The following POLQ variants were observed in gnomAD, a reference collection of about 807,000 sequenced individuals.
POLQ encodes the protein epididymis secretory sperm binding protein.
POLQ carries 233 observed loss-of-function variants against 259.2 expected under a neutral mutation model. The observed-to-expected ratio is 0.90, with a 90% CI of 0.81 to 1.00. The LOEUF is 1.00. Ranked by LOEUF, POLQ falls within the 50% of genes least tolerant of loss-of-function variation. The pLI is 0.00. For synonymous variants in POLQ, 1,025 were observed against 1,048.8 expected (o/e 0.98, Z 0.44); for missense variants, 2,871 against 3,051.6 (o/e 0.94, Z 1.39).
At chr3:121,492,779 GCA>G (rs1202178541) in intron 15 of POLQ, among the ~76,000 whole-genome samples, 2 of 149,338 alleles carry the variant, frequency 1.3e-5, no homozygotes, top group Non-Finnish European at 3.0e-5. Flanking sequence ...GGGACTATAG[GCA>G]CATGCCACCA....
rs1280514407 is a variant in POLQ, at chr3:121,473,756, TCTCA to T, written c.6406-273_6406-270del. 2.4e-5 allele frequency among the ~76,000 whole-genome samples: 3 copies of T among 124,580 alleles called. No individual in the cohort carries two copies. The East Asian group carries it at 9.1e-4, about 38-fold the overall frequency. 81.7% of individuals were successfully genotyped at this position (124,580 alleles called of 152,430 possible). On this transcript the variant is annotated intron_variant, in intron 20 of 29. Transcript: ENST00000264233. ...TTTTTTTTTTTTTTTTGAGACAGGA[TCTCA>T]CTGTCACCCAGGCCAGAGTGTAGTG...
At chr3:121,459,232 T>C (rs899256128) in intron 25 of POLQ, among the ~76,000 whole-genome samples, 2 of 152,152 alleles carry the variant, frequency 1.3e-5, no homozygotes, top group Non-Finnish European at 2.9e-5. Context: ...GTACTAACTA[T>C]AATCTACAGG....
chr3:121,501,003 A>AC (rs199771980), intron 12 of POLQ, among the ~76,000 whole-genome samples: 2,198 of 152,230 alleles, frequency 0.014, 55 homozygotes, highest in African/African-American at 0.05. Flanking sequence ...TGGCTCTGTC[A>AC]CCCTGGCTGG....
At chr3:121,448,719 T>C (rs2047649656) in intron 26 of POLQ, among the ~76,000 whole-genome samples, 1 of 152,204 alleles carries the variant, frequency 6.6e-6, no homozygotes, top group African/African-American at 2.4e-5. Context: ...AGGGACAGGG[T>C]TGATTTAAAA....
In POLQ at chr3:121,449,275, T is replaced by A. The variant is rs3218627; in HGVS notation, c.7264+40A>T. 4.2e-3 allele frequency: 4,309 copies of A among 1,017,256 alleles called. 19 individuals carry two copies. The highest frequency in any genetic ancestry group is 8.2e-3 in the Admixed American group (425 of 51,790). 63.0% of individuals were successfully genotyped at this position (1,017,256 alleles called of 1,614,324 possible). ...ACAAATTTTTAAAAATATAATATGG[T>A]AAGATGGTTGAAAAGAATACTATCT... On this transcript the variant is annotated intron_variant, in intron 26 of 29. Transcript: ENST00000264233.
In POLQ at chr3:121,472,145, T is replaced by C; in HGVS notation, c.6563A>G (p.Lys2188Arg). The C allele has an allele frequency of 6.7e-7, 1 of 1,488,242 alleles. No homozygotes were observed. Among genetic ancestry groups the C allele is most frequent in the Non-Finnish European group, 9.1e-7 (1 of 1,095,856 alleles). 92.2% of individuals were successfully genotyped at this position (1,488,242 alleles called of 1,614,324 possible). ...STSKDVLNKL[K>R]ALHPLPGLIL... ...CAAGCCTGGTAAAGGATGTAATGCC[T>C]TTAATTTATTTAAAACGTCCTGCCA... The change falls in exon 22 of 30, where the codon AAG (lysine) becomes AGG (arginine). Residue 2188 changes from lysine to arginine, a missense_variant. This residue lies in a region of POLQ where 2,080 missense variants were observed against 2,126.0 expected (regional missense o/e 0.98). Coordinates refer to ENST00000264233, the MANE Select transcript of POLQ (RefSeq NM_199420.4).
In POLQ at chr3:121,493,629, T is replaced by C; in HGVS notation, c.2371A>G (p.Arg791Gly). ...FQKRLTFGIQ[R>G]ELCDLVRVSL... ...ACCCGAACCAGGTCACACAGCTCCC[T>C]CTGGATGCCAAACGTAAGACGCTTC... is the stretch of plus-strand genomic sequence containing the variant. The change falls in exon 15 of 30, where the codon AGG becomes GGG. Residue 791 changes from arginine to glycine, a missense_variant. By Grantham distance (125) the Arg-to-Gly change is moderately radical. Around this residue, in one of 3 missense-constraint regions of POLQ, gnomAD observed 2,080 missense variants for 2,126.0 expected, o/e 0.98. Transcript: ENST00000264233. The C allele has an allele frequency of 6.2e-7, 1 of 1,614,080 alleles. No homozygotes were observed. Among genetic ancestry groups the C allele is most frequent in the Non-Finnish European group, 8.5e-7 (1 of 1,179,986 alleles).
intron 26 of POLQ, among the ~76,000 whole-genome samples, chr3:121,448,776 C>T (rs1273288127): frequency 6.6e-6 from 1 of 152,092 alleles, no homozygotes; most frequent in African/African-American, 2.4e-5. Context: ...GGTTCTATAT[C>T]TTGGTTGTGG....
chr3:121,506,204 GA>G (rs1425836746), intron 12 of POLQ, among the ~76,000 whole-genome samples: 2 of 151,614 alleles, frequency 1.3e-5, no homozygotes, highest in East Asian at 3.9e-4. Flanking sequence ...AAATCAAGAG[GA>G]AAATCATTCT....
At chr3:121,500,621 C>T (rs547716772) in intron 12 of POLQ, among the ~76,000 whole-genome samples, 1 of 152,018 alleles carries the variant, frequency 6.6e-6, no homozygotes, top group East Asian at 1.9e-4. Flanking sequence ...TAATGAGTAC[C>T]AGGAGAAGAT....
chr3:121,432,799 C>T (rs1560081795), intron 29 of POLQ, 119 bp downstream of exon 29: 4 of 673,124 alleles, frequency 5.9e-6, no homozygotes, highest in Admixed American at 4.6e-5. Flanking sequence ...AATATTTATA[C>T]AGCCATCCCA....
chr3:121,472,337 G>A (rs1034830951), intron 21 of POLQ, among the ~76,000 whole-genome samples, 173 bp from the exon 22 acceptor site: 1 of 152,072 alleles, frequency 6.6e-6, no homozygotes, highest in African/African-American at 2.4e-5. Context: ...TATAACTACA[G>A]TTTACAAAAT....
chr3:121,467,424 C>T, intron 24 of POLQ, 95 bp downstream of exon 24: 4 of 1,204,460 alleles, frequency 3.3e-6, no homozygotes, highest in Non-Finnish European at 4.8e-6. Context: ...GGGACCAATG[C>T]ATGCTCTAAG....
At chr3:121,448,644 C>T (rs1017888923) in intron 26 of POLQ, among the ~76,000 whole-genome samples, 4 of 152,050 alleles carry the variant, frequency 2.6e-5, no homozygotes, top group Non-Finnish European at 4.4e-5. Flanking sequence ...GGATTACAGA[C>T]GTGAGCCACC....
chr3:121,458,863 C>T lies in POLQ; in HGVS notation c.7152+1187G>A, dbSNP rs182327725. ...GCCAGGAGTTGAAGACCACCCTGGG[C>T]GACAAATTGAGACCTCACCTCTCCA... On this transcript the variant is annotated intron_variant, in intron 25 of 29. Transcript: ENST00000264233. Among the ~76,000 whole-genome samples the T allele has an allele frequency of 2.4e-4, 36 of 152,160 alleles. No homozygotes were observed. The East Asian group carries it at 6.0e-3, about 25-fold the overall frequency.
At chr3:121,468,881 A>C (rs1242965067) in intron 22 of POLQ, among the ~76,000 whole-genome samples, 2 of 152,202 alleles carry the variant, frequency 1.3e-5, no homozygotes, top group Non-Finnish European at 2.9e-5. Context: ...CATCAAGAGA[A>C]TCTACAACAG....
chr3:121,519,942 C>A lies in POLQ; in HGVS notation c.1397G>T (p.Gly466Val). ...ATAAGTAAGAATATCTAGAGGTCGA[C>A]CACCAAAAATAGGGGTTCGAATAAT... is the stretch of plus-strand genomic sequence containing the variant. Reference protein sequence around the residue: ...RVIIRTPIFGGRPLDILTYKQ... With the variant: ...RVIIRTPIFGVRPLDILTYKQ... Residue 466 changes from glycine (G) to valine (V), a missense_variant, in exon 9 of 30, where the codon GGT becomes GTT. Gly to Val is a moderately radical substitution (Grantham distance 109, BLOSUM62 -3). Coordinates refer to ENST00000264233, the MANE Select transcript of POLQ (RefSeq NM_199420.4). 2 of 1,612,026 alleles carry A rather than the reference C, an allele frequency of 1.2e-6. No homozygotes were observed. Among genetic ancestry groups the A allele is most frequent in the Non-Finnish European group, 1.7e-6 (2 of 1,178,252 alleles).
At chr3:121,521,874 A>G in intron 8 of POLQ, 129 bp downstream of exon 8, 1 of 659,454 alleles carries the variant, frequency 1.5e-6, no homozygotes, top group Non-Finnish European at 2.3e-6. Flanking sequence ...CCCAGCCCAC[A>G]CAATTTCTTA....
intron 5 of POLQ, among the ~76,000 whole-genome samples, chr3:121,535,963 G>A (rs1465521186): frequency 1.3e-5 from 2 of 152,084 alleles, no homozygotes; most frequent in African/African-American, 4.8e-5. Context: ...AACTTGAAGG[G>A]CTTCAGGAAA....
Sources: allele counts gnomAD v4.1 joint callset (sites outside exome capture counted in the v4.1 genomes callset), GRCh38; gene constraint gnomAD v4.1.1; regional missense constraint gnomAD v4.1.1; transcripts MANE v1.5; gene names NCBI Gene and HGNC (gene_info 2026-07-23, HGNC 2026-07-21).